NCK2: variants seen among roughly 807,000 people sequenced by gnomAD.
The protein encoded by NCK2 is NCK adaptor protein 2, also known as cytoplasmic protein NCK2.
NCK2 carries 16 observed loss-of-function variants against 33.9 expected under a neutral mutation model. The observed-to-expected ratio is 0.47, with a 90% CI of 0.32 to 0.72. The LOEUF (loss-of-function observed/expected upper bound fraction) is 0.72. Among genes scored for constraint, NCK2 ranks in the 30% least tolerant of loss-of-function variants. The probability of loss-of-function intolerance (pLI) is 0.03; values close to 1 mark genes in which losing one functional copy is unlikely to be tolerated. For synonymous variants in NCK2, 273 were observed against 239.9 expected (o/e 1.14, Z -1.27); for missense variants, 418 against 537.3 (o/e 0.78, Z 2.19).
intron 1 of NCK2, among the ~76,000 whole-genome samples, chr2:105,812,555 C>T (rs538731815): frequency 6.6e-6 from 1 of 152,316 alleles, no homozygotes; most frequent in South Asian, 2.1e-4. Context: ...ACTTGCAGGC[C>T]TCTGCTGGGC....
intron 3 of NCK2, among the ~76,000 whole-genome samples, chr2:105,864,596 C>T (rs1029310357): frequency 7.2e-5 from 11 of 152,052 alleles, no homozygotes; most frequent in African/African-American, 2.4e-4. Context: ...TTATGACATA[C>T]TTCTTTATGT....
Position 105,881,357 on chromosome 2 carries a change from G to A in NCK2, c.256G>A (p.Ala86Thr), listed in dbSNP as rs1382749200. ...GLGKTRRKTS[A>T]RDASPTPSTD... Reference sequence around the variant, plus strand: ...CGGCAAGACGCGCAGGAAGACCAGCGCGCGGGATGCGTCCCCCACGCCCAG... The same window carrying A: ...CGGCAAGACGCGCAGGAAGACCAGCACGCGGGATGCGTCCCCCACGCCCAG... The change falls in exon 4 of 5, where the codon GCG (alanine) becomes ACG (threonine). Residue 86 changes from alanine to threonine, a missense_variant. By Grantham distance (58) the Ala-to-Thr change is moderately conservative. Transcript: ENST00000233154. The A allele has an allele frequency of 1.9e-6, 3 of 1,605,202 alleles. No individual in the cohort carries two copies. Among genetic ancestry groups the A allele is most frequent in the East Asian group, 2.2e-5 (1 of 44,818 alleles).
At chr2:105,753,985 C>G (rs569242912) in intron 1 of NCK2, among the ~76,000 whole-genome samples, 48 of 152,272 alleles carry the variant, frequency 3.2e-4, no homozygotes, top group Middle Eastern at 3.4e-3. Flanking sequence ...TTGTCTGTGC[C>G]AGCTTCTCGA....
At chr2:105,824,641 A>G (rs963132366) in intron 2 of NCK2, among the ~76,000 whole-genome samples, 3 of 152,184 alleles carry the variant, frequency 2.0e-5, no homozygotes, top group Admixed American at 6.5e-5. Flanking sequence ...GCGTGTGCTT[A>G]GAACAGAGGT....
At chr2:105,774,714 C>T (rs1218299013) in intron 1 of NCK2, among the ~76,000 whole-genome samples, 3 of 152,042 alleles carry the variant, frequency 2.0e-5, no homozygotes, top group Non-Finnish European at 4.4e-5. Context: ...GCCTGGATGA[C>T]GAAATCTGTG....
chr2:105,858,253 G>A lies in NCK2; in HGVS notation c.226+2964G>A, dbSNP rs563641873. On this transcript the variant is annotated intron_variant, in intron 3 of 4. Coordinates refer to ENST00000233154, the MANE Select transcript of NCK2 (RefSeq NM_003581.5). Reference sequence around the variant, plus strand: ...AGTACACCACATGTATACTGACCACGGTTTGTTTTTGTTTTTGTTTTTTGA... The same window carrying A: ...AGTACACCACATGTATACTGACCACAGTTTGTTTTTGTTTTTGTTTTTTGA... Among the ~76,000 whole-genome samples, 110 of 152,100 alleles carry A rather than the reference G, an allele frequency of 7.2e-4. 1 individual carries two copies. In the South Asian group the frequency reaches 0.021, roughly 29 times the overall value.
chr2:105,882,881 G>A (rs1246189955), intron 4 of NCK2, among the ~76,000 whole-genome samples: 1 of 152,192 alleles, frequency 6.6e-6, no homozygotes, highest in African/African-American at 2.4e-5. Context: ...ATTGGTTCTA[G>A]GAGGCTTCAA....
chr2:105,748,545 G>T (rs542711820), intron 1 of NCK2, among the ~76,000 whole-genome samples: 3 of 152,052 alleles, frequency 2.0e-5, no homozygotes, highest in African/African-American at 7.2e-5. Flanking sequence ...GGGACTACGG[G>T]TGTGCACCAC....
At chr2:105,855,567 G>A (rs1677228886) in intron 3 of NCK2, 1 of 295,014 alleles carries the variant, frequency 3.4e-6, no homozygotes, top group Non-Finnish European at 6.4e-6. Flanking sequence ...AAACGTTAGA[G>A]GAGCCTGACT....
chr2:105,848,403 T>G (rs374938275), intron 2 of NCK2: 1 of 152,322 alleles, frequency 6.6e-6, no homozygotes, highest in Non-Finnish European at 1.5e-5. Flanking sequence ...GAAGAGAGTT[T>G]ACCGGCAGCA....
intron 4 of NCK2, among the ~76,000 whole-genome samples, chr2:105,887,614 C>T (rs1421561254): frequency 6.6e-6 from 1 of 152,170 alleles, no homozygotes; most frequent in Non-Finnish European, 1.5e-5. Flanking sequence ...CTCCCGTTTC[C>T]TCATGACTAT....
rs1178050320 is a variant in NCK2, at chr2:105,893,425, C to G, written c.*249C>G. The G allele has an allele frequency of 4.6e-6, 2 of 438,084 alleles. No homozygotes were observed. The highest frequency in any genetic ancestry group is 7.0e-5 in the East Asian group (2 of 28,554). 27.1% of individuals were successfully genotyped at this position (438,084 alleles called of 1,614,324 possible). A position where few individuals can be genotyped will look rare whatever the true frequency, so the allele number is the denominator to read the frequency against. On this transcript the variant is annotated 3_prime_UTR_variant, in exon 5 of 5. Coordinates refer to ENST00000233154, the MANE Select transcript of NCK2 (RefSeq NM_003581.5). Reference sequence around the variant, plus strand: ...CGAGTTCACATTATTCCTTTTCCATCGGAAGTGGCGCTCGTGCATTCAACT... The same window carrying G: ...CGAGTTCACATTATTCCTTTTCCATGGGAAGTGGCGCTCGTGCATTCAACT...
chr2:105,812,189 C>T (rs190413076), intron 1 of NCK2, among the ~76,000 whole-genome samples: 1 of 152,268 alleles, frequency 6.6e-6, no homozygotes, highest in African/African-American at 2.4e-5. Flanking sequence ...TGCAGTGAGG[C>T]TTTTTGAAGC....
At chr2:105,764,446 C>T (rs1218074927) in intron 1 of NCK2, among the ~76,000 whole-genome samples, 2 of 152,244 alleles carry the variant, frequency 1.3e-5, no homozygotes, top group African/African-American at 2.4e-5. Flanking sequence ...TGCTCTGCTT[C>T]GAGGCTCAGC....
chr2:105,826,545 G>A (rs1675950714), intron 2 of NCK2, among the ~76,000 whole-genome samples: 1 of 152,170 alleles, frequency 6.6e-6, no homozygotes, highest in Admixed American at 6.5e-5. Flanking sequence ...GATTGGTTAT[G>A]TTTTTTAATG....
chr2:105,854,600 C>T (rs1051408300), intron 2 of NCK2: 2 of 152,862 alleles, frequency 1.3e-5, no homozygotes, highest in African/African-American at 4.8e-5. Context: ...CAGGATACCA[C>T]CTTGTTATTA....
intron 3 of NCK2, chr2:105,855,654 T>C (rs1320930571): frequency 5.7e-6 from 1 of 175,726 alleles, no homozygotes; most frequent in Non-Finnish European, 1.2e-5. Flanking sequence ...TACAATCCTG[T>C]CCATTTGGCC....
chr2:105,866,203 C>T lies in NCK2; in HGVS notation c.226+10914C>T, dbSNP rs967452621. On this transcript the variant is annotated intron_variant, in intron 3 of 4. Coordinates refer to ENST00000233154, the MANE Select transcript of NCK2 (RefSeq NM_003581.5). Reference sequence around the variant, plus strand: ...TGCCGGGATTACAGGCGTGAGCCACCGTGGCCAGCTGGGATATTACTTTTA... The same window carrying T: ...TGCCGGGATTACAGGCGTGAGCCACTGTGGCCAGCTGGGATATTACTTTTA... 3.3e-5 allele frequency among the ~76,000 whole-genome samples: 5 copies of T among 152,162 alleles called. 1 individual carries two copies. Among genetic ancestry groups the T allele is most frequent in the Non-Finnish European group, 7.3e-5 (5 of 68,030 alleles).
chr2:105,887,648 AATAC>A (rs1218212244), intron 4 of NCK2, among the ~76,000 whole-genome samples: 2 of 152,204 alleles, frequency 1.3e-5, no homozygotes, highest in Admixed American at 1.3e-4. Flanking sequence ...AAATCGCATT[AATAC>A]ATAAGCTTTC....
Sources: allele counts gnomAD v4.1 joint callset (sites outside exome capture counted in the v4.1 genomes callset), GRCh38; gene constraint gnomAD v4.1.1; transcripts MANE v1.5; gene names NCBI Gene and HGNC (gene_info 2026-07-23, HGNC 2026-07-21).